AUTS2: variants seen among roughly 807,000 people sequenced by gnomAD.
The protein encoded by AUTS2 is activator of transcription and developmental regulator AUTS2.
Under a neutral mutation model 112.4 loss-of-function variants are expected in AUTS2, and 17 were observed. That is an observed-to-expected ratio of 0.15 (90% CI 0.10 to 0.23). AUTS2 has a LOEUF of 0.23. AUTS2 is among the 10% of genes least tolerant of loss of function. The probability of loss-of-function intolerance (pLI) is 1.00; values close to 1 mark genes in which losing one functional copy is unlikely to be tolerated. For synonymous variants in AUTS2, 751 were observed against 702.7 expected, an observed-to-expected ratio of 1.07 and a Z score of -1.09; for missense variants, 1,510 against 1,701.6, an observed-to-expected ratio of 0.89 and a Z score of 1.98.
At chr7:70,611,506 A>C (rs1804091259) in intron 5 of AUTS2, among the ~76,000 whole-genome samples, 1 of 152,202 alleles carries the variant, frequency 6.6e-6, no homozygotes, top group Non-Finnish European at 1.5e-5. Context: ...TGGGGCTTTG[A>C]TGTGAGAAAG....
intron 1 of AUTS2, among the ~76,000 whole-genome samples, chr7:69,888,762 C>T (rs890519935): frequency 3.3e-5 from 5 of 151,172 alleles, no homozygotes; most frequent in Non-Finnish European, 5.9e-5. Flanking sequence ...TTAGTAGAGA[C>T]GGGGTTTTAC....
At chr7:70,262,955 G>T (rs1787241597) in intron 4 of AUTS2, among the ~76,000 whole-genome samples, 1 of 151,898 alleles carries the variant, frequency 6.6e-6, no homozygotes, top group Non-Finnish European at 1.5e-5. Flanking sequence ...TATCAAATTT[G>T]GAAACTTCCA....
At chr7:70,605,936 AC>A (rs1690742724) in intron 5 of AUTS2, among the ~76,000 whole-genome samples, 3 of 152,064 alleles carry the variant, frequency 2.0e-5, no homozygotes, top group Non-Finnish European at 4.4e-5. Flanking sequence ...AGCAGGTAAA[AC>A]TCTAGACAAG....
chr7:70,543,547 A>T (rs979559081), intron 5 of AUTS2, among the ~76,000 whole-genome samples: 3 of 147,616 alleles, frequency 2.0e-5, no homozygotes, highest in Non-Finnish European at 3.0e-5. Flanking sequence ...AAAAAAAAAA[A>T]GGTTAAAAAT....
intron 2 of AUTS2, among the ~76,000 whole-genome samples, chr7:70,014,006 G>A (rs533771386): frequency 2.0e-5 from 3 of 152,244 alleles, no homozygotes; most frequent in African/African-American, 7.2e-5. Flanking sequence ...GTGAGCCACC[G>A]CGCCCGGCCT....
chr7:70,513,280 T>C (rs1051912159), intron 5 of AUTS2, among the ~76,000 whole-genome samples: 5 of 152,198 alleles, frequency 3.3e-5, no homozygotes, highest in African/African-American at 1.2e-4. Flanking sequence ...GTAGTAGTGG[T>C]GTATCAACCA....
chr7:70,056,456 G>A (rs1801998305), intron 2 of AUTS2, among the ~76,000 whole-genome samples: 1 of 151,946 alleles, frequency 6.6e-6, no homozygotes, highest in Non-Finnish European at 1.5e-5. Flanking sequence ...TTATTTCCAT[G>A]TTTCCCTGTC....
intron 7 of AUTS2, among the ~76,000 whole-genome samples, chr7:70,764,054 C>T (rs931688790): frequency 6.6e-6 from 1 of 152,118 alleles, no homozygotes; most frequent in African/African-American, 2.4e-5. Flanking sequence ...CCTGGTGCCC[C>T]GGGGGCTATA....
chr7:70,737,030 TC>T (rs1262622330), intron 6 of AUTS2, among the ~76,000 whole-genome samples: 4 of 152,226 alleles, frequency 2.6e-5, no homozygotes, highest in Admixed American at 1.3e-4. Flanking sequence ...AAAGTTTTAC[TC>T]TCAAGTGACT....
chr7:70,468,990 T>A lies in AUTS2; in HGVS notation c.690+33209T>A, dbSNP rs1369227783. ...TTTCGTCACGGGACTCTGCCCTATA[T>A]AAAATAATCGTCAGTAGTTGGGTAA... On this transcript the variant is annotated intron_variant, in intron 5 of 18. Coordinates refer to ENST00000342771, the MANE Select transcript of AUTS2 (RefSeq NM_015570.4). Among the ~76,000 whole-genome samples, 3 of 152,206 alleles carry A rather than the reference T, an allele frequency of 2.0e-5. No individual in the cohort carries two copies. In the East Asian group the frequency reaches 5.8e-4, roughly 29 times the overall value.
intron 4 of AUTS2, among the ~76,000 whole-genome samples, chr7:70,276,676 G>A (rs1391078372): frequency 6.6e-6 from 1 of 152,050 alleles, no homozygotes; most frequent in Non-Finnish European, 1.5e-5. Flanking sequence ...ACTGTGCCTG[G>A]CCCAATTTTG....
intron 5 of AUTS2, among the ~76,000 whole-genome samples, chr7:70,476,946 A>G (rs1183679831): frequency 6.6e-6 from 1 of 152,202 alleles, no homozygotes; most frequent in Non-Finnish European, 1.5e-5. Flanking sequence ...AAGGGAAGCA[A>G]TTTAAAGTTG....
intron 1 of AUTS2, among the ~76,000 whole-genome samples, chr7:69,701,629 G>A (rs1255105973): frequency 2.0e-5 from 3 of 152,222 alleles, no homozygotes; most frequent in East Asian, 1.9e-4. Flanking sequence ...GGAGCCATTC[G>A]TAAGTGAAAT....
chr7:69,900,312 G>A (rs991616362), intron 2 of AUTS2, among the ~76,000 whole-genome samples: 1 of 152,228 alleles, frequency 6.6e-6, no homozygotes, highest in Non-Finnish European at 1.5e-5. Flanking sequence ...CATTGGGTAG[G>A]ATTGACTATC....
At chr7:70,523,900 C>T (rs1269979251) in intron 5 of AUTS2, among the ~76,000 whole-genome samples, 1 of 152,178 alleles carries the variant, frequency 6.6e-6, no homozygotes, top group Non-Finnish European at 1.5e-5. Flanking sequence ...TTTCTCACTG[C>T]CCTGCCCCAA....
At chr7:70,035,289 T>C (rs1224088114) in intron 2 of AUTS2, among the ~76,000 whole-genome samples, 1 of 152,188 alleles carries the variant, frequency 6.6e-6, no homozygotes, top group Non-Finnish European at 1.5e-5. Context: ...GCAAGTGACA[T>C]GCCTCTCTAA....
chr7:70,150,086 G>A (rs891580567), intron 4 of AUTS2, among the ~76,000 whole-genome samples: 2 of 152,004 alleles, frequency 1.3e-5, no homozygotes, highest in Admixed American at 6.6e-5. Flanking sequence ...AAAGTTACAC[G>A]TAAATTAAGT....
intron 4 of AUTS2, among the ~76,000 whole-genome samples, chr7:70,369,460 G>T (rs370888493): frequency 6.6e-6 from 1 of 152,086 alleles, no homozygotes; most frequent in African/African-American, 2.4e-5. Context: ...AGATTAAACC[G>T]AGGCCTTGAA....
At chr7:69,829,588 A>C (rs1007291273) in intron 1 of AUTS2, among the ~76,000 whole-genome samples, 1 of 152,198 alleles carries the variant, frequency 6.6e-6, no homozygotes, top group African/African-American at 2.4e-5. Context: ...ATGAACAGAC[A>C]CTTCTCAAAA....
Sources: gnomAD v4.1 joint callset for allele counts (sites outside exome capture counted in the v4.1 genomes callset) on GRCh38, gnomAD v4.1.1 for gene constraint, MANE v1.5 for transcripts, NCBI Gene and HGNC (gene_info 2026-07-23, HGNC 2026-07-21) for gene names.